The following ZSCAN1 variants were observed in gnomAD, a reference collection of about 807,000 sequenced individuals.
ZSCAN1 encodes the protein zinc finger and SCAN domain containing 1.
ZSCAN1 carries 23 observed loss-of-function variants against 23.8 expected under a neutral mutation model. That is an observed-to-expected ratio of 0.97 (90% CI 0.70 to 1.37). The LOEUF (loss-of-function observed/expected upper bound fraction) is 1.37. ZSCAN1 is among the 40% of genes most tolerant of loss of function. The pLI is 0.00. For missense variants in ZSCAN1, 575 were observed against 554.0 expected, an observed-to-expected ratio of 1.04 and a Z score of -0.38; for synonymous variants, 236 against 232.3, an observed-to-expected ratio of 1.02 and a Z score of -0.15.
At position 58,052,580 on chromosome 19, in the gene ZSCAN1, C is replaced by A; in HGVS notation, c.556C>A (p.Leu186Met). Reference sequence around the variant, plus strand: ...GGAGACTACCCAGCTCCAGCAGAGTCTGCACACCAGGGCGGAGGCCGAAGC... The same window carrying A: ...GGAGACTACCCAGCTCCAGCAGAGTATGCACACCAGGGCGGAGGCCGAAGC... ...WLETTQLQQS[L>M]HTRAEAEAPR... The change falls in exon 5 of 6, where the codon CTG (leucine) becomes ATG (methionine). Residue 186 changes from leucine to methionine, a missense_variant. Coordinates refer to ENST00000282326, the MANE Select transcript of ZSCAN1 (RefSeq NM_182572.4). The A allele has an allele frequency of 1.2e-6, 2 of 1,613,796 alleles. No individual in the cohort carries two copies. Among genetic ancestry groups the A allele is most frequent in the Non-Finnish European group, 1.7e-6 (2 of 1,179,954 alleles).
chr19:58,055,292 T>C (rs1356295858), downstream of ZSCAN1, among the ~76,000 whole-genome samples: 2 of 152,186 alleles, frequency 1.3e-5, no homozygotes, highest in African/African-American at 4.8e-5. Context: ...CCTCTCGGGC[T>C]GTGCAGGTCC....
rs1182505407 is a variant in ZSCAN1, at chr19:58,040,403, G to A, written c.371-47G>A. ...CCCCAGAAGGCCTGGAGAATTGGGGGCTCTGGGAAGAACAGGCCCCTCTCA... is the reference window on the plus strand; with the variant it reads ...CCCCAGAAGGCCTGGAGAATTGGGGACTCTGGGAAGAACAGGCCCCTCTCA... On this transcript the variant is annotated intron_variant, in intron 3 of 5. Coordinates refer to ENST00000282326, the MANE Select transcript of ZSCAN1 (RefSeq NM_182572.4). This position sits in a 1 kb window ranked among gnomAD's most constrained non-coding sequence, Gnocchi z 5.8. 5.0e-6 allele frequency: 8 copies of A among 1,597,778 alleles called. No individual in the cohort carries two copies. The highest frequency in any genetic ancestry group is 4.0e-5 in the African/African-American group (3 of 74,590).
chr19:58,036,510 CTTTTCT>C lies in ZSCAN1; in HGVS notation c.-110+504_-110+509del, dbSNP rs2073738140. 5.6e-5 allele frequency among the ~76,000 whole-genome samples: 7 copies of C among 124,668 alleles called. No homozygotes were observed. The East Asian group carries it at 8.8e-4, about 16-fold the overall frequency. 81.8% of individuals were successfully genotyped at this position (124,668 alleles called of 152,430 possible). On this transcript the variant is annotated intron_variant, in intron 2 of 5. Transcript: ENST00000282326. The stretch of plus-strand genomic sequence containing the variant: ...GTACAAAAGGTAACTTCTTTTTTTT[CTTTTCT>C]TTTTTTTTTTTTTTTTTGAGACAGA...
chr19:58,045,675 G>C lies in ZSCAN1; in HGVS notation c.465+5131G>C. ...TTGCTGAGGAAGGGGTGGACAGCCT[G>C]AACGTCAAGGAGCTGCAGGCGGCAT... On this transcript the variant is annotated intron_variant, in intron 4 of 5. Transcript: ENST00000282326. This position sits in a 1 kb window ranked among gnomAD's most constrained non-coding sequence, Gnocchi z 4.3. 1.1e-6 allele frequency: 1 copy of C among 920,516 alleles called. No individual in the cohort carries two copies. Among genetic ancestry groups the C allele is most frequent in the South Asian group, 1.3e-5 (1 of 76,274 alleles). The allele number at this position is 920,516 out of a possible 1,614,324, so 57.0% of individuals were successfully genotyped here. A position where few individuals can be genotyped will look rare whatever the true frequency, so the allele number is the denominator to read the frequency against.
At position 58,045,625 on chromosome 19, in the gene ZSCAN1, T is replaced by A; in HGVS notation, c.465+5081T>A. 2 of 958,238 alleles carry A rather than the reference T, an allele frequency of 2.1e-6. No homozygotes were observed. The highest frequency in any genetic ancestry group is 3.4e-6 in the Non-Finnish European group (2 of 582,006). 59.4% of individuals were successfully genotyped at this position (958,238 alleles called of 1,614,324 possible). ...CTTCCAGCTCACGATGCGGCTGCGC[T>A]CCATAAAGGCAGAGGACAAGCTGTT... On this transcript the variant is annotated intron_variant, in intron 4 of 5. Transcript: ENST00000282326. This position sits in a 1 kb window ranked among gnomAD's most constrained non-coding sequence, Gnocchi z 4.3.
intron 4 of ZSCAN1, among the ~76,000 whole-genome samples, chr19:58,051,120 C>A (rs1374197867): frequency 6.6e-6 from 1 of 152,066 alleles, no homozygotes; most frequent in Non-Finnish European, 1.5e-5. Flanking sequence ...CTAAGCATGC[C>A]CCTCTCTCCA....
At chr19:58,036,696 A>AT (rs1363299402) in intron 2 of ZSCAN1, among the ~76,000 whole-genome samples, 3 of 147,354 alleles carry the variant, frequency 2.0e-5, no homozygotes, top group Admixed American at 1.4e-4. Context: ...TTGGTTATTT[A>AT]TTTTTTTTGG....
In ZSCAN1 at chr19:58,053,424, C is replaced by CA; in HGVS notation, c.605-4dup. 2 of 1,605,116 alleles carry CA rather than the reference C, an allele frequency of 1.2e-6. No homozygotes were observed. The highest frequency in any genetic ancestry group is 2.2e-5 in the South Asian group (2 of 90,406). On this transcript the variant is annotated splice_region_variant and splice_polypyrimidine_tract_variant and intron_variant, in intron 5 of 5. Transcript: ENST00000282326. The surrounding 1 kb of genome is among the most constrained non-coding windows in gnomAD (Gnocchi z 5.8). ...CAGGTGACCCATCTCCCTCGCCCTCCACAGGGTCCCGGGCCCGCTTGCCTC... is the reference window on the plus strand; with the variant it reads ...CAGGTGACCCATCTCCCTCGCCCTCCAACAGGGTCCCGGGCCCGCTTGCCTC...
In ZSCAN1 at chr19:58,045,118, C is replaced by A; in HGVS notation, c.465+4574C>A. On this transcript the variant is annotated intron_variant, in intron 4 of 5. Transcript: ENST00000282326. The surrounding 1 kb of genome is among the most constrained non-coding windows in gnomAD (Gnocchi z 4.3). ...CTGCTACGGATCCACACCAAGATCG[C>A]AGCACGCATGCTCTGGCGCATCCTC... is the stretch of plus-strand genomic sequence containing the variant. 8.0e-7 allele frequency: 1 copy of A among 1,252,594 alleles called. No homozygotes were observed. The highest frequency in any genetic ancestry group is 1.5e-5 in the African/African-American group (1 of 68,164). 77.6% of individuals were successfully genotyped at this position (1,252,594 alleles called of 1,614,324 possible). A position where few individuals can be genotyped will look rare whatever the true frequency, so the allele number is the denominator to read the frequency against.
chr19:58,056,316 G>A (rs2073889044), downstream of ZSCAN1, among the ~76,000 whole-genome samples: 1 of 152,178 alleles, frequency 6.6e-6, no homozygotes, highest in African/African-American at 2.4e-5. Flanking sequence ...TTAACTCACT[G>A]TGTCTCCACC....
rs527317668 is a variant in ZSCAN1 at position 58,046,520 on chromosome 19, T to C, written c.466-5970T>C. ...GAGAACGTCATCAGTGTTGCCGAGCTCATCAACGCCATGAAGCAAGTCAAG... is the reference window on the plus strand; with the variant it reads ...GAGAACGTCATCAGTGTTGCCGAGCCCATCAACGCCATGAAGCAAGTCAAG... On this transcript the variant is annotated intron_variant, in intron 4 of 5. Coordinates refer to ENST00000282326, the MANE Select transcript of ZSCAN1 (RefSeq NM_182572.4). 8.7e-6 allele frequency: 8 copies of C among 915,758 alleles called. No individual in the cohort carries two copies. The Admixed American group carries it at 1.4e-4, about 15-fold the overall frequency. The allele number at this position is 915,758 out of a possible 1,614,324, so 56.7% of individuals were successfully genotyped here. A position where few individuals can be genotyped will look rare whatever the true frequency, so the allele number is the denominator to read the frequency against.
At chr19:58,048,009 A>G (rs146738824) in intron 4 of ZSCAN1, among the ~76,000 whole-genome samples, 1 of 152,324 alleles carries the variant, frequency 6.6e-6, no homozygotes, top group Admixed American at 6.5e-5. Flanking sequence ...GCCTCCAAGC[A>G]TAGGATTTGG....
Position 58,054,188 on chromosome 19 carries a change from T to G in ZSCAN1, c.*137T>G. The G allele has an allele frequency of 8.2e-7, 1 of 1,221,512 alleles. No homozygotes were observed. Among genetic ancestry groups the G allele is most frequent in the East Asian group, 2.6e-5 (1 of 38,552 alleles). The allele number at this position is 1,221,512 out of a possible 1,614,324, so 75.7% of individuals were successfully genotyped here. ...CTCCTCTTGAAGGACACAAGCTGTT[T>G]CTCGGAAGACCCTGGACACCTGCTC... is the stretch of plus-strand genomic sequence containing the variant. On this transcript the variant is annotated 3_prime_UTR_variant, in exon 6 of 6. Transcript: ENST00000282326. This position sits in a 1 kb window ranked among gnomAD's most constrained non-coding sequence, Gnocchi z 4.2.
In ZSCAN1 at chr19:58,045,090, C is replaced by T. The variant is rs1383347313; in HGVS notation, c.465+4546C>T. 1.6e-6 allele frequency: 2 copies of T among 1,222,382 alleles called. No individual in the cohort carries two copies. The highest frequency in any genetic ancestry group is 1.5e-5 in the African/African-American group (1 of 67,412). The allele number at this position is 1,222,382 out of a possible 1,614,324, so 75.7% of individuals were successfully genotyped here. A position where few individuals can be genotyped will look rare whatever the true frequency, so the allele number is the denominator to read the frequency against. The stretch of plus-strand genomic sequence containing the variant: ...GCTGAGGCACTACTACCATGGCTTC[C>T]GCCTGCTACGGATCCACACCAAGAT... On this transcript the variant is annotated intron_variant, in intron 4 of 5. Transcript: ENST00000282326. This position sits in a 1 kb window ranked among gnomAD's most constrained non-coding sequence, Gnocchi z 4.3.
In ZSCAN1 at chr19:58,037,979, T is replaced by C. The variant is rs755691526; in HGVS notation, c.143T>C (p.Val48Ala). 44 of 1,607,466 alleles carry C rather than the reference T, an allele frequency of 2.7e-5. No homozygotes were observed. The highest frequency in any genetic ancestry group is 4.0e-5 in the African/African-American group (3 of 74,860). ...RLRFRQFQYH[V>A]ASGPHLALGQ... ...CGCTTCCGGCAGTTCCAGTACCACG[T>C]GGCGAGCGGGCCGCACCTCGCGCTG... Residue 48 changes from valine (V) to alanine (A), a missense_variant, in exon 3 of 6, where the codon GTG (valine) becomes GCG (alanine). Val to Ala is a moderately conservative substitution (Grantham distance 64). Coordinates refer to ENST00000282326, the MANE Select transcript of ZSCAN1 (RefSeq NM_182572.4).
chr19:58,052,473 T>C lies in ZSCAN1; in HGVS notation c.466-17T>C, dbSNP rs764022587. 1.6e-5 allele frequency: 26 copies of C among 1,613,870 alleles called. No homozygotes were observed. Among genetic ancestry groups the C allele is most frequent in the South Asian group, 4.4e-5 (4 of 91,082 alleles). ...CTGAGGGGCAGCTGCCGAACAGTCC[T>C]GTGCTTGCCATTCTAGGCGTCTGAG... is the stretch of plus-strand genomic sequence containing the variant. On this transcript the variant is annotated splice_polypyrimidine_tract_variant and intron_variant, in intron 4 of 5. Coordinates refer to ENST00000282326, the MANE Select transcript of ZSCAN1 (RefSeq NM_182572.4).
chr19:58,047,091 C>T lies in ZSCAN1; in HGVS notation c.466-5399C>T, dbSNP rs1012498289. Among the ~76,000 whole-genome samples, 2 of 152,182 alleles carry T rather than the reference C, an allele frequency of 1.3e-5. No individual in the cohort carries two copies. Among genetic ancestry groups the T allele is most frequent in the African/African-American group, 4.8e-5 (2 of 41,448 alleles). On this transcript the variant is annotated intron_variant, in intron 4 of 5. Coordinates refer to ENST00000282326, the MANE Select transcript of ZSCAN1 (RefSeq NM_182572.4). This position sits in a 1 kb window ranked among gnomAD's most constrained non-coding sequence, Gnocchi z 4.9. The stretch of plus-strand genomic sequence containing the variant: ...ACGTCTCAGTGTCTGACTGTGCTGC[C>T]CTGTGCCCAGGGAGGAGAATGAGGA...
Position 58,040,354 on chromosome 19 carries a change from G to A in ZSCAN1, c.371-96G>A. 1 of 1,296,184 alleles carries A rather than the reference G, an allele frequency of 7.7e-7. No individual in the cohort carries two copies. Among genetic ancestry groups the A allele is most frequent in the Non-Finnish European group, 1.1e-6 (1 of 904,194 alleles). 80.3% of individuals were successfully genotyped at this position (1,296,184 alleles called of 1,614,324 possible). ...TGCCTGCGCCTCAGGGGTGCTGCAG[G>A]GATGTTCGGGGAAAGTCTGCCCTCC... On this transcript the variant is annotated intron_variant, in intron 3 of 5. Coordinates refer to ENST00000282326, the MANE Select transcript of ZSCAN1 (RefSeq NM_182572.4). This position sits in a 1 kb window ranked among gnomAD's most constrained non-coding sequence, Gnocchi z 5.8.
Position 58,053,790 on chromosome 19 carries a change from C to T in ZSCAN1, c.966C>T (p.Cys322=), listed in dbSNP as rs763256742. The T allele has an allele frequency of 4.3e-6, 7 of 1,614,140 alleles. No homozygotes were observed. The highest frequency in any genetic ancestry group is 5.9e-6 in the Non-Finnish European group (7 of 1,180,030). The change falls in exon 6 of 6, where the codon TGC becomes TGT. Residue 322 remains cysteine, a synonymous_variant. Transcript: ENST00000282326. This position sits in a 1 kb window ranked among gnomAD's most constrained non-coding sequence, Gnocchi z 5.8. ...KTHREEGPFP[C]PECGKVFLHN... ...ATCGCGAGGAAGGGCCCTTTCCGTG[C>T]CCCGAGTGTGGCAAGGTCTTCCTGC...
Sources: allele counts gnomAD v4.1 joint callset (sites outside exome capture counted in the v4.1 genomes callset), GRCh38; gene constraint gnomAD v4.1.1; non-coding constraint Gnocchi (gnomAD v3.1); transcripts MANE v1.5; gene names NCBI Gene and HGNC (gene_info 2026-07-23, HGNC 2026-07-21).